ITIH5: variants seen among roughly 807,000 people sequenced by gnomAD.
The protein encoded by ITIH5 is inter-alpha-trypsin inhibitor heavy chain 5.
ITIH5 carries 65 observed loss-of-function variants against 77.5 expected under a neutral mutation model. The ratio of observed to expected loss-of-function variants is 0.84; its 90% CI spans 0.69 to 1.03. The LOEUF is 1.03. ITIH5 is among the 50% of genes least tolerant of loss of function. The probability of loss-of-function intolerance (pLI) is 0.00; values close to 1 mark genes in which losing one functional copy is unlikely to be tolerated. For synonymous variants in ITIH5, 525 were observed against 494.3 expected, an observed-to-expected ratio of 1.06 and a Z score of -0.82; for missense variants, 1,208 against 1,213.1, an observed-to-expected ratio of 1.00 and a Z score of 0.06.
rs557283902 is a variant in ITIH5, at chr10:7,581,503, A to C, written c.1109-1439T>G. Reference sequence around the variant, plus strand: ...ATTTTCTTTATTCCTCAAATGTTTTAGAATAGATACTTCCATGGAAAAAAT... The same window carrying C: ...ATTTTCTTTATTCCTCAAATGTTTTCGAATAGATACTTCCATGGAAAAAAT... On this transcript the variant is annotated intron_variant, in intron 8 of 13. Transcript: ENST00000397146. 9.2e-5 allele frequency among the ~76,000 whole-genome samples: 14 copies of C among 152,136 alleles called. 1 individual carries two copies. In the South Asian group the frequency reaches 2.9e-3, roughly 32 times the overall value.
chr10:7,664,034 G>A (rs1470504679), intron 1 of ITIH5, among the ~76,000 whole-genome samples: 1 of 152,160 alleles, frequency 6.6e-6, no homozygotes, highest in East Asian at 1.9e-4. Flanking sequence ...TAAGTCTGTA[G>A]CAGACAGTTT....
chr10:7,638,329 C>T (rs1189599168), intron 4 of ITIH5, among the ~76,000 whole-genome samples: 1 of 152,140 alleles, frequency 6.6e-6, no homozygotes, highest in Non-Finnish European at 1.5e-5. Flanking sequence ...CTTCCCAGAA[C>T]TGGAAAGAGA....
chr10:7,572,475 T>C, intron 11 of ITIH5: 3 of 1,304,074 alleles, frequency 2.3e-6, no homozygotes, highest in Non-Finnish European at 3.0e-6. Context: ...ATTTTATGTT[T>C]ATGATAGCAG....
chr10:7,583,753 A>T (rs1429980699), intron 8 of ITIH5, among the ~76,000 whole-genome samples: 2 of 152,068 alleles, frequency 1.3e-5, no homozygotes, highest in African/African-American at 4.8e-5. Flanking sequence ...CTCTCACTCC[A>T]CTTTAAAGCC....
At position 7,635,994 on chromosome 10, in the gene ITIH5, T is replaced by C. The variant is rs539846805; in HGVS notation, c.652+1234A>G. ...GTCACAATTCTCTGAAATCTTAAAATTCCAGTCCTGGTGCAATTTTTGAAC... is the reference window on the plus strand; with the variant it reads ...GTCACAATTCTCTGAAATCTTAAAACTCCAGTCCTGGTGCAATTTTTGAAC... On this transcript the variant is annotated intron_variant, in intron 5 of 13. Coordinates refer to ENST00000397146, the MANE Select transcript of ITIH5 (RefSeq NM_030569.7). Among the ~76,000 whole-genome samples the C allele has an allele frequency of 1.4e-4, 22 of 152,310 alleles. 1 individual carries two copies. Among genetic ancestry groups the C allele is most frequent in the Admixed American group, 5.9e-4 (9 of 15,294 alleles).
rs756685410 is a variant in ITIH5 at position 7,576,788 on chromosome 10, C to T, written c.1643G>A (p.Arg548Gln). ...GACATCTTTCCCTGCCTTCTGAGGC[C>T]GCACAGGCACATCTGTCTTCAGGAT... The part of the protein sequence containing the change: ...FIILKTDVPV[R>Q]PQKAGKDVTG... The change falls in exon 10 of 14, where the codon CGG becomes CAG. Residue 548 changes from arginine (R) to glutamine (Q), a missense_variant. Physicochemically the swap from Arg to Gln is conservative, Grantham distance 43 (BLOSUM62 1). Coordinates refer to ENST00000397146, the MANE Select transcript of ITIH5 (RefSeq NM_030569.7). 17 of 1,614,052 alleles carry T rather than the reference C, an allele frequency of 1.1e-5. No homozygotes were observed. The highest frequency in any genetic ancestry group is 2.7e-5 in the African/African-American group (2 of 74,926).
rs539140439 is a variant in ITIH5 at position 7,608,749 on chromosome 10, C to T, written c.939+7233G>A. Among the ~76,000 whole-genome samples the T allele has an allele frequency of 7.9e-5, 12 of 152,294 alleles. 1 individual carries two copies. In the South Asian group the frequency reaches 1.7e-3, roughly 21 times the overall value. The stretch of plus-strand genomic sequence containing the variant: ...CACGCACACTCGGATGTCACTTGCC[C>T]GATCCACATCATGAAAGGGAAAGAA... On this transcript the variant is annotated intron_variant, in intron 7 of 13. Coordinates refer to ENST00000397146, the MANE Select transcript of ITIH5 (RefSeq NM_030569.7).
rs528074205 is a variant in ITIH5, at chr10:7,590,716, G to A, written c.940-4647C>T. 3.5e-4 allele frequency among the ~76,000 whole-genome samples: 53 copies of A among 152,230 alleles called. No individual in the cohort carries two copies. In the South Asian group the frequency reaches 0.011, roughly 30 times the overall value. ...CTGCTGGGAAGCTCATTATCCCCAC[G>A]TCTTTGTGCCCAAGACTCTTCCCTT... On this transcript the variant is annotated intron_variant, in intron 7 of 13. Transcript: ENST00000397146.
intron 9 of ITIH5, among the ~76,000 whole-genome samples, chr10:7,577,886 T>G (rs1832457717): frequency 6.6e-6 from 1 of 152,220 alleles, no homozygotes; most frequent in Non-Finnish European, 1.5e-5. Flanking sequence ...TTTCCCCTTC[T>G]TTCATGAGAA....
intron 7 of ITIH5, among the ~76,000 whole-genome samples, chr10:7,604,917 G>A (rs1343053932): frequency 2.0e-5 from 3 of 152,094 alleles, no homozygotes; most frequent in Admixed American, 6.5e-5. Flanking sequence ...TGCCTCCCGG[G>A]TTCAAGCGAT....
rs2130957759 is a variant in ITIH5, at chr10:7,576,846, C to G, written c.1585G>C (p.Glu529Gln). 2 of 1,614,190 alleles carry G rather than the reference C, an allele frequency of 1.2e-6. No homozygotes were observed. Among genetic ancestry groups the G allele is most frequent in the Non-Finnish European group, 1.7e-6 (2 of 1,180,030 alleles). Residue 529 changes from glutamate (E) to glutamine (Q), a missense_variant, in exon 10 of 14, where the codon GAG becomes CAG. By Grantham distance (29) the Glu-to-Gln change is conservative. Coordinates refer to ENST00000397146, the MANE Select transcript of ITIH5 (RefSeq NM_030569.7). Reference sequence around the variant, plus strand: ...TTCTTACTGTTGCTGGCGGTGACCTCCACGTGCAGGTGATCCAGCTTCCTG... The same window carrying G: ...TTCTTACTGTTGCTGGCGGTGACCTGCACGTGCAGGTGATCCAGCTTCCTG... ...VDRKLDHLHV[E>Q]VTASNSKKFI...
At chr10:7,563,876 G>T (rs1832088724) in intron 13 of ITIH5, among the ~76,000 whole-genome samples, 1 of 152,252 alleles carries the variant, frequency 6.6e-6, no homozygotes, top group Admixed American at 6.5e-5. Context: ...CAGGAATAAA[G>T]AGCTGTGTCT....
In ITIH5 at chr10:7,559,366, G is replaced by C. The variant is rs956817811; in HGVS notation, c.*3717C>G. 1 of 144,456 alleles carries C rather than the reference G, an allele frequency of 6.9e-6. No homozygotes were observed. Among genetic ancestry groups the C allele is most frequent in the Non-Finnish European group, 1.5e-5 (1 of 67,690 alleles). The allele number at this position is 144,456 out of a possible 1,614,324, so 8.9% of individuals were successfully genotyped here. ...AATATGTTGTTTGTTTTTATGCATC[G>C]TTCTCTTATAAATTTTTTGTCTAAG... On this transcript the variant is annotated 3_prime_UTR_variant, in exon 14 of 14. Coordinates refer to ENST00000397146, the MANE Select transcript of ITIH5 (RefSeq NM_030569.7).
chr10:7,622,512 T>C (rs1225163750), intron 5 of ITIH5: 2 of 152,176 alleles, frequency 1.3e-5, no homozygotes, highest in Non-Finnish European at 2.9e-5. Flanking sequence ...CTTTGTCCAT[T>C]ATGAAAGGCA....
intron 5 of ITIH5, among the ~76,000 whole-genome samples, chr10:7,634,190 C>T (rs1244542218): frequency 2.0e-5 from 3 of 151,904 alleles, no homozygotes; most frequent in Non-Finnish European, 2.9e-5. Flanking sequence ...CTTAACACAG[C>T]CAGATCTATC....
At chr10:7,643,873 A>C (rs1036911538) in intron 2 of ITIH5, among the ~76,000 whole-genome samples, 3 of 152,240 alleles carry the variant, frequency 2.0e-5, no homozygotes, top group Non-Finnish European at 2.9e-5. Flanking sequence ...TTTGCGTGAA[A>C]TCACGATCTG....
rs113401246 is a variant in ITIH5, at chr10:7,579,528, GA to G, written c.1418+226del. Reference sequence around the variant, plus strand: ...CAACAAGAGCGAAACTCCATCACAAGAAAAAAAAAAAAAATCTTGCCTAAAG... The same window carrying G: ...CAACAAGAGCGAAACTCCATCACAAGAAAAAAAAAAAAATCTTGCCTAAAG... On this transcript the variant is annotated intron_variant, in intron 9 of 13. Transcript: ENST00000397146. Among the ~76,000 whole-genome samples, 1,084 of 138,384 alleles carry G rather than the reference GA, an allele frequency of 7.8e-3. 8 individuals carry two copies. The highest frequency in any genetic ancestry group is 0.019 in the African/African-American group (745 of 38,310). 90.8% of individuals were successfully genotyped at this position (138,384 alleles called of 152,430 possible).
At chr10:7,610,075 T>C (rs868237142) in intron 7 of ITIH5, among the ~76,000 whole-genome samples, 2,254 of 147,178 alleles carry the variant, frequency 0.015, 56 homozygotes, top group African/African-American at 0.054. Flanking sequence ...TTTTCTTTTT[T>C]TTTTTTTTTT....
chr10:7,566,338 T>G lies in ITIH5; in HGVS notation c.2219A>C (p.Tyr740Ser). The change falls in exon 13 of 14, where the codon TAC (tyrosine) becomes TCC (serine). Residue 740 changes from tyrosine to serine, a missense_variant. Coordinates refer to ENST00000397146, the MANE Select transcript of ITIH5 (RefSeq NM_030569.7). Reference protein sequence around the residue: ...PPNGHKKQRTYLRTITILINK... With the variant: ...PPNGHKKQRTSLRTITILINK... The stretch of plus-strand genomic sequence containing the variant: ...GATGAGGATGGTGATAGTGCGCAAG[T>G]AAGTGCGCTGTTTCTTGTGGCCATT... 1 of 1,611,924 alleles carries G rather than the reference T, an allele frequency of 6.2e-7. No individual in the cohort carries two copies. The highest frequency in any genetic ancestry group is 8.5e-7 in the Non-Finnish European group (1 of 1,178,224).
Sources: gnomAD v4.1 joint callset for allele counts (sites outside exome capture counted in the v4.1 genomes callset) on GRCh38, gnomAD v4.1.1 for gene constraint, MANE v1.5 for transcripts, NCBI Gene and HGNC (gene_info 2026-07-23, HGNC 2026-07-21) for gene names.